The following ANK3 variants were observed in gnomAD, a reference collection of about 807,000 sequenced individuals.
The protein encoded by ANK3 is ankyrin 3.
A neutral mutation model predicts 370.9 loss-of-function variants in ANK3; 57 were observed. The observed-to-expected ratio is 0.15, with a 90% CI of 0.12 to 0.19. ANK3 has a LOEUF of 0.19. Ranked by LOEUF, ANK3 falls within the 10% of genes least tolerant of loss-of-function variation. The probability of loss-of-function intolerance (pLI) is 1.00; values close to 1 mark genes in which losing one functional copy is unlikely to be tolerated. For synonymous variants in ANK3, 1,929 were observed against 1,946.3 expected, an observed-to-expected ratio of 0.99 and a Z score of 0.23; for missense variants, 4,439 against 5,302.1, an observed-to-expected ratio of 0.84 and a Z score of 5.06.
At chr10:60,221,111 G>A (rs114947725) in intron 8 of ANK3, among the ~76,000 whole-genome samples, 3,272 of 144,508 alleles carry the variant, frequency 0.023, 108 homozygotes, top group African/African-American at 0.075. Flanking sequence ...ATGGAGTCTC[G>A]CTTTATTGCT....
intron 2 of ANK3, among the ~76,000 whole-genome samples, chr10:60,477,558 C>CA (rs2075104598): frequency 6.7e-6 from 1 of 149,012 alleles, no homozygotes; most frequent in African/African-American, 2.5e-5. Context: ...CACACACACA[C>CA]ACCAGGTAGC....
chr10:60,728,003 G>A (rs2079966825), intron 1 of ANK3, among the ~76,000 whole-genome samples: 1 of 152,100 alleles, frequency 6.6e-6, no homozygotes, highest in Admixed American at 6.6e-5. Flanking sequence ...CGTAAGTGGT[G>A]TGCTTACCAA....
At chr10:60,076,598 A>T in intron 36 of ANK3, 150 bp from the exon 37 acceptor site, 1 of 1,049,808 alleles carries the variant, frequency 9.5e-7, no homozygotes. Flanking sequence ...TGGAAGAGGC[A>T]AAAGGAACAA....
intron 28 of ANK3, among the ~76,000 whole-genome samples, chr10:60,093,840 C>T (rs893450460): frequency 3.3e-5 from 5 of 152,146 alleles, no homozygotes; most frequent in Non-Finnish European, 5.9e-5. Flanking sequence ...CGAGGAGAAG[C>T]GATCAGTACC....
intron 7 of ANK3, among the ~76,000 whole-genome samples, chr10:60,240,306 A>ATATTTTTTT (rs11282162): frequency 0.014 from 1,686 of 119,698 alleles, 87 homozygotes; most frequent in Non-Finnish European, 0.02. Flanking sequence ...ATATATATAT[A>ATATTTTTTT]TTTTTTTTTC....
At chr10:60,196,738 CT>C (rs932544507) in intron 14 of ANK3, 113 bp from the exon 15 acceptor site, 2 of 639,840 alleles carry the variant, frequency 3.1e-6, no homozygotes, top group African/African-American at 1.8e-5. Context: ...AAGGGCACTG[CT>C]TTCCAGAACT....
intron 40 of ANK3, chr10:60,059,852 G>A (rs2079993461): frequency 6.2e-7 from 1 of 1,614,200 alleles, no homozygotes; most frequent in East Asian, 2.2e-5. Context: ...TGTTCCCCTG[G>A]GAAGGCACTA....
intron 1 of ANK3, among the ~76,000 whole-genome samples, chr10:60,720,398 A>G (rs1351238309): frequency 1.3e-5 from 2 of 152,206 alleles, no homozygotes; most frequent in African/African-American, 4.8e-5. Context: ...TATGAAATCT[A>G]CTATACTATG....
Position 60,196,605 on chromosome 10 carries a change from A to G in ANK3, c.1710T>C (p.His570=). The change falls in exon 15 of 44, where the codon CAT becomes CAC. Residue 570 remains histidine, a synonymous_variant. Transcript: ENST00000280772. ...CAAGCTTTCCATATTTTGCTGCCAC[A>G]TGAAGAGGAGTAAATCCTTTCTGAA... ...ITTKKGFTPL[H]VAAKYGKLEV... is the part of the protein sequence containing the mutation. 6.2e-6 allele frequency: 10 copies of G among 1,605,436 alleles called. No homozygotes were observed. The highest frequency in any genetic ancestry group is 1.1e-5 in the South Asian group (1 of 90,872).
intron 2 of ANK3, among the ~76,000 whole-genome samples, chr10:60,498,576 C>T (rs529215117): frequency 6.8e-4 from 103 of 152,132 alleles, no homozygotes; most frequent in Non-Finnish European, 1.3e-3. Context: ...TTTCTCGTAG[C>T]GACACAGTCT....
chr10:60,393,643 C>T (rs1343483876), upstream of ANK3, among the ~76,000 whole-genome samples: 1 of 152,134 alleles, frequency 6.6e-6, no homozygotes, highest in Non-Finnish European at 1.5e-5. Context: ...TCTCCCCGCT[C>T]ATTTTTCACA....
chr10:60,170,623 T>C (rs1000537857), intron 21 of ANK3, among the ~76,000 whole-genome samples: 2 of 152,200 alleles, frequency 1.3e-5, no homozygotes, highest in Non-Finnish European at 2.9e-5. Flanking sequence ...TTAGCATGCA[T>C]AGTGTCTTCT....
At chr10:60,377,971 A>C (rs1322381733) in intron 1 of ANK3, among the ~76,000 whole-genome samples, 1 of 152,150 alleles carries the variant, frequency 6.6e-6, no homozygotes, top group Non-Finnish European at 1.5e-5. Flanking sequence ...ATCCAAACTG[A>C]GGTTTGCTAG....
chr10:60,146,589 A>G (rs976455437), intron 23 of ANK3, among the ~76,000 whole-genome samples: 1 of 152,128 alleles, frequency 6.6e-6, no homozygotes, highest in African/African-American at 2.4e-5. Flanking sequence ...ACTGGGTTCA[A>G]GTGATTAGCC....
intron 28 of ANK3, among the ~76,000 whole-genome samples, chr10:60,102,692 TAATA>T: frequency 6.6e-6 from 1 of 152,214 alleles, no homozygotes. Flanking sequence ...ACAATTGTGT[TAATA>T]AATCAGAATA....
intron 2 of ANK3, among the ~76,000 whole-genome samples, chr10:60,613,042 G>A (rs2078221600): frequency 6.6e-6 from 1 of 152,156 alleles, no homozygotes; most frequent in Admixed American, 6.5e-5. Context: ...TATATGAATA[G>A]TTGTTTCATT....
chr10:60,117,276 T>C (rs546574487), intron 25 of ANK3, among the ~76,000 whole-genome samples: 1 of 152,272 alleles, frequency 6.6e-6, no homozygotes, highest in South Asian at 2.1e-4. Context: ...AAGGGAATTT[T>C]CATGGTTATG....
At position 60,590,307 on chromosome 10, in the gene ANK3, A is replaced by G. The variant is rs181421471; in HGVS notation, c.96+24879T>C. On this transcript the variant is annotated intron_variant, in intron 2 of 43. Transcript: ENST00000373827. Reference sequence around the variant, plus strand: ...GAAGACTCAGTATGGAAAAACATGTAAAATATCTCTTCAATAATTACTTAT... The same window carrying G: ...GAAGACTCAGTATGGAAAAACATGTGAAATATCTCTTCAATAATTACTTAT... Among the ~76,000 whole-genome samples, 385 of 152,332 alleles carry G rather than the reference A, an allele frequency of 2.5e-3. 3 individuals carry two copies. The highest frequency in any genetic ancestry group is 8.8e-3 in the African/African-American group (364 of 41,580).
At chr10:60,418,699 G>A (rs1291519367) in intron 2 of ANK3, among the ~76,000 whole-genome samples, 5 of 151,042 alleles carry the variant, frequency 3.3e-5, no homozygotes, top group Admixed American at 3.3e-4. Context: ...ATATTGCATG[G>A]GACATACTTA....
Sources: allele counts gnomAD v4.1 joint callset (sites outside exome capture counted in the v4.1 genomes callset), GRCh38; gene constraint gnomAD v4.1.1; transcripts MANE v1.5; gene names NCBI Gene and HGNC (gene_info 2026-07-23, HGNC 2026-07-21).